AFF3: variants seen among roughly 807,000 people sequenced by gnomAD.
The protein encoded by AFF3 is AF4/FMR2 family member 3.
AFF3 carries 32 observed loss-of-function variants against 129.7 expected under a neutral mutation model. That is an observed-to-expected ratio of 0.25 (90% CI 0.19 to 0.33). AFF3 has a LOEUF of 0.33. AFF3 is among the 10% of genes least tolerant of loss of function. The pLI is 1.00. For missense variants in AFF3, 1,373 were observed against 1,592.0 expected, an observed-to-expected ratio of 0.86 and a Z score of 2.34; for synonymous variants, 644 against 635.4, an observed-to-expected ratio of 1.01 and a Z score of -0.20.
At chr2:100,069,889 A>T (rs1477659919) in intron 4 of AFF3, among the ~76,000 whole-genome samples, 1 of 152,192 alleles carries the variant, frequency 6.6e-6, no homozygotes, top group Non-Finnish European at 1.5e-5. Context: ...AAATTCATAC[A>T]TATCTCCCCA....
chr2:99,596,985 G>A (rs948267467), intron 14 of AFF3, among the ~76,000 whole-genome samples: 5 of 152,132 alleles, frequency 3.3e-5, no homozygotes, highest in African/African-American at 1.2e-4. Flanking sequence ...CCATTATCTC[G>A]TAATCATCTT....
At chr2:100,140,783 G>A (rs1692832639) in intron 1 of AFF3, among the ~76,000 whole-genome samples, 2 of 152,152 alleles carry the variant, frequency 1.3e-5, no homozygotes, top group Non-Finnish European at 2.9e-5. Context: ...GCCTCATAGG[G>A]AGGGGTGTTC....
At chr2:99,651,187 A>T (rs1405275934) in intron 12 of AFF3, among the ~76,000 whole-genome samples, 2 of 151,948 alleles carry the variant, frequency 1.3e-5, no homozygotes, top group Non-Finnish European at 2.9e-5. Context: ...AAAAAAAAAA[A>T]AAAAGGGCTC....
At chr2:100,029,187 T>C (rs1309190275) in intron 4 of AFF3, among the ~76,000 whole-genome samples, 3 of 152,194 alleles carry the variant, frequency 2.0e-5, no homozygotes, top group African/African-American at 7.2e-5. Context: ...CTACTGTATT[T>C]GGAGACAGGG....
chr2:99,563,806 G>A (rs1183089518), intron 20 of AFF3, among the ~76,000 whole-genome samples: 1 of 67,646 alleles, frequency 1.5e-5, no homozygotes, highest in African/African-American at 5.2e-5. Flanking sequence ...GTGAAATTTA[G>A]TCTCAAAAAA....
intron 4 of AFF3, among the ~76,000 whole-genome samples, chr2:100,017,145 T>C (rs1459696873): frequency 6.6e-6 from 1 of 152,074 alleles, no homozygotes. Context: ...CAGTCAACAG[T>C]GCATATAACA....
In AFF3 at chr2:99,554,294, G is replaced by A. The variant is rs914232805; in HGVS notation, c.3559+17C>T. On this transcript the variant is annotated intron_variant, in intron 24 of 24. Coordinates refer to ENST00000672756, the MANE Select transcript of AFF3 (RefSeq NM_001386135.1). ...GGGAGGCGGAAGCCCCTGGTTCCCC[G>A]TGGGGTGTGCGCTCACCTCGGTTTT... 26 of 1,613,898 alleles carry A rather than the reference G, an allele frequency of 1.6e-5. No individual in the cohort carries two copies. The highest frequency in any genetic ancestry group is 1.6e-4 in the Middle Eastern group (1 of 6,062).
At chr2:99,657,796 T>A (rs573160014) in intron 12 of AFF3, among the ~76,000 whole-genome samples, 1 of 152,262 alleles carries the variant, frequency 6.6e-6, no homozygotes, top group South Asian at 2.1e-4. Context: ...CTGAGAAAAA[T>A]GCTGATTAGG....
chr2:100,106,316 A>G, intron 2 of AFF3: 1 of 1,163,008 alleles, frequency 8.6e-7, no homozygotes, highest in South Asian at 1.8e-5. Context: ...CCCTCTCATT[A>G]GCTGAAGGTA....
intron 1 of AFF3, among the ~76,000 whole-genome samples, chr2:100,129,981 G>A (rs981713042): frequency 2.0e-5 from 3 of 152,132 alleles, no homozygotes; most frequent in South Asian, 2.1e-4. Context: ...TTTACACGTG[G>A]CCTCTATGTA....
intron 12 of AFF3, among the ~76,000 whole-genome samples, chr2:99,650,615 G>C (rs1685145826): frequency 6.6e-6 from 1 of 152,028 alleles, no homozygotes; most frequent in Admixed American, 6.6e-5. Flanking sequence ...GAAGGGCAGA[G>C]TGGGTGGGCA....
intron 7 of AFF3, among the ~76,000 whole-genome samples, chr2:99,898,674 G>A (rs1420883021): frequency 2.6e-5 from 4 of 152,162 alleles, no homozygotes; most frequent in East Asian, 1.9e-4. Flanking sequence ...CCCACCTGCT[G>A]CACCCGGATA....
chr2:99,805,553 G>A (rs1300079231), intron 8 of AFF3, among the ~76,000 whole-genome samples: 1 of 151,996 alleles, frequency 6.6e-6, no homozygotes, highest in Non-Finnish European at 1.5e-5. Context: ...GTTGCCTGAG[G>A]AAATAATCCT....
At chr2:100,041,145 A>G (rs1247971208) in intron 4 of AFF3, among the ~76,000 whole-genome samples, 1 of 152,248 alleles carries the variant, frequency 6.6e-6, no homozygotes, top group Non-Finnish European at 1.5e-5. Context: ...CTCCAGCTCT[A>G]CTAAAGTGAT....
rs1307162068 is a variant in AFF3, at chr2:99,695,960, AC to A, written c.1092-23372del. Among the ~76,000 whole-genome samples the A allele has an allele frequency of 5.5e-3, 588 of 106,138 alleles. 10 individuals carry two copies. Among genetic ancestry groups the A allele is most frequent in the African/African-American group, 0.02 (502 of 25,734 alleles). 69.6% of individuals were successfully genotyped at this position (106,138 alleles called of 152,430 possible). On this transcript the variant is annotated intron_variant, in intron 11 of 24. Transcript: ENST00000672756. The stretch of plus-strand genomic sequence containing the variant: ...AATGAAAAAAAAAAAAAAAAAAAAA[AC>A]CAAAAGAAAAAACCAAAAAAAAAAA...
chr2:99,824,913 C>T (rs891655591), intron 8 of AFF3, among the ~76,000 whole-genome samples: 3 of 152,146 alleles, frequency 2.0e-5, no homozygotes, highest in Admixed American at 1.3e-4. Flanking sequence ...ATTTAGGAGT[C>T]TAAACAACCC....
chr2:99,753,658 G>T (rs572274926), intron 8 of AFF3, among the ~76,000 whole-genome samples: 140 of 152,234 alleles, frequency 9.2e-4, no homozygotes, highest in African/African-American at 3.3e-3. Context: ...CACACAGGAA[G>T]CCGTGGGAGG....
intron 7 of AFF3, among the ~76,000 whole-genome samples, chr2:99,976,973 G>A (rs912686107): frequency 6.6e-6 from 1 of 152,110 alleles, no homozygotes; most frequent in African/African-American, 2.4e-5. Context: ...CTCAGAGAGA[G>A]GATGATTGCC....
intron 13 of AFF3, among the ~76,000 whole-genome samples, chr2:99,606,329 T>C (rs1305320202): frequency 1.3e-5 from 2 of 152,286 alleles, no homozygotes; most frequent in South Asian, 2.1e-4. Flanking sequence ...CATGATGACA[T>C]AGGCTTGGAC....
Sources: gnomAD v4.1 joint callset for allele counts (sites outside exome capture counted in the v4.1 genomes callset) on GRCh38, gnomAD v4.1.1 for gene constraint, MANE v1.5 for transcripts, NCBI Gene and HGNC (gene_info 2026-07-23, HGNC 2026-07-21) for gene names.